UFM1: variants seen among roughly 807,000 people sequenced by gnomAD.
The protein encoded by UFM1 is ubiquitin fold modifier 1, also known as ubiquitin-fold modifier 1.
In UFM1, 9 loss-of-function variants were observed where a neutral mutation model predicts 15.4. That is an observed-to-expected ratio of 0.59 (90% CI 0.35 to 1.02). The LOEUF is 1.02. Among genes scored for constraint, UFM1 ranks in the 50% least tolerant of loss-of-function variants. The pLI is 0.02. For synonymous variants in UFM1, 27 were observed against 36.3 expected (o/e 0.74, Z 0.92); for missense variants, 98 against 104.7 (o/e 0.94, Z 0.28).
intron 2 of UFM1, 41 bp from the exon 3 acceptor site, chr13:38,354,198 T>C: frequency 6.3e-7 from 1 of 1,589,810 alleles, no homozygotes; most frequent in Non-Finnish European, 8.6e-7. Context: ...TTTTAGAAAA[T>C]GGTGACTTTA....
chr13:38,350,271 G>T lies in UFM1; in HGVS notation c.59+216G>T. On this transcript the variant is annotated intron_variant, in intron 2 of 5. Coordinates refer to ENST00000239878, the MANE Select transcript of UFM1 (RefSeq NM_016617.4). Reference sequence around the variant, plus strand: ...AGTGTCAGCTTGGCAGCTTGGCCCCGTCACGAGGGTGTGGGTGTGTTTCTG... The same window carrying T: ...AGTGTCAGCTTGGCAGCTTGGCCCCTTCACGAGGGTGTGGGTGTGTTTCTG... The T allele has an allele frequency of 1.3e-6, 2 of 1,553,216 alleles. 1 individual carries two copies. Among genetic ancestry groups the T allele is most frequent in the Non-Finnish European group, 1.7e-6 (2 of 1,144,528 alleles).
rs1350087735 is a variant in UFM1 at position 38,363,001 on chromosome 13, A to G, written c.*2223A>G. The G allele has an allele frequency of 5.9e-5, 9 of 152,192 alleles. No homozygotes were observed. The highest frequency in any genetic ancestry group is 1.7e-4 in the African/African-American group (7 of 41,452). The allele number at this position is 152,192 out of a possible 1,614,324, so 9.4% of individuals were successfully genotyped here. On this transcript the variant is annotated 3_prime_UTR_variant, in exon 6 of 6. Transcript: ENST00000239878. ...ATGAAAATACATGTTGTTATATTGT[A>G]AACCATATTGTCTGTTCTTATTATT...
rs551986658 is a variant in UFM1 at position 38,363,047 on chromosome 13, CT to C, written c.*2273del. On this transcript the variant is annotated 3_prime_UTR_variant, in exon 6 of 6. Coordinates refer to ENST00000239878, the MANE Select transcript of UFM1 (RefSeq NM_016617.4). ...TTATTAGAGCTCTTAATCAGCACACCTTTTGAGTCAGTATATAATACATGTA... is the reference window on the plus strand; with the variant it reads ...TTATTAGAGCTCTTAATCAGCACACCTTTGAGTCAGTATATAATACATGTA... 3.3e-5 allele frequency: 5 copies of C among 152,188 alleles called. No individual in the cohort carries two copies. The South Asian group carries it at 1.0e-3, about 32-fold the overall frequency. The allele number at this position is 152,188 out of a possible 1,614,324, so 9.4% of individuals were successfully genotyped here.
rs1879293391 is a variant in UFM1 at position 38,359,922 on chromosome 13, T to C, written c.190+589T>C. The stretch of plus-strand genomic sequence containing the variant: ...TTTAAAATGTAATCTCTTAGGCTTA[T>C]AATCTAAAGTTTTAAAATTAGGCAT... On this transcript the variant is annotated intron_variant, in intron 5 of 5. Transcript: ENST00000239878. The C allele has an allele frequency of 1.4e-5, 3 of 214,880 alleles. No homozygotes were observed. The South Asian group carries it at 1.7e-4, about 12-fold the overall frequency. 13.3% of individuals were successfully genotyped at this position (214,880 alleles called of 1,614,324 possible). A position where few individuals can be genotyped will look rare whatever the true frequency, so the allele number is the denominator to read the frequency against.
chr13:38,350,314 G>A (rs2140048445), intron 2 of UFM1: 1 of 1,398,032 alleles, frequency 7.2e-7, no homozygotes, highest in East Asian at 2.5e-5. Flanking sequence ...ACCTCCCCTC[G>A]GAATTCATTT....
chr13:38,353,895 G>C (rs1311676386), intron 2 of UFM1, among the ~76,000 whole-genome samples: 1 of 152,038 alleles, frequency 6.6e-6, no homozygotes, highest in Admixed American at 6.6e-5. Context: ...GAAGACCAAG[G>C]AGAGCTTCAC....
intron 2 of UFM1, among the ~76,000 whole-genome samples, chr13:38,351,906 C>T (rs1174632109): frequency 6.6e-6 from 1 of 151,368 alleles, no homozygotes; most frequent in African/African-American, 2.5e-5. Context: ...AATGTGTGTA[C>T]AAGGGTATCT....
chr13:38,359,482 C>T (rs771128301), intron 5 of UFM1, 149 bp downstream of exon 5: 18 of 742,566 alleles, frequency 2.4e-5, no homozygotes, highest in Non-Finnish European at 3.7e-5. Flanking sequence ...ACCTGTGTGT[C>T]TGAGTAATAA....
intron 2 of UFM1, among the ~76,000 whole-genome samples, chr13:38,353,237 C>G (rs1251197084): frequency 6.6e-6 from 1 of 152,020 alleles, no homozygotes; most frequent in Non-Finnish European, 1.5e-5. Flanking sequence ...GGAGCCTGGG[C>G]ATATACATGA....
At chr13:38,357,268 C>G (rs1246156000) in intron 3 of UFM1, among the ~76,000 whole-genome samples, 1 of 151,926 alleles carries the variant, frequency 6.6e-6, no homozygotes, top group Admixed American at 6.6e-5. Flanking sequence ...CAGAGAGCAT[C>G]TGTTCAGATC....
chr13:38,354,317 A>C, intron 3 of UFM1, 21 bp downstream of exon 3: 1 of 1,603,462 alleles, frequency 6.2e-7, no homozygotes, highest in Non-Finnish European at 8.5e-7. Flanking sequence ...AAGTTGGAAC[A>C]ACCTTTATGG....
chr13:38,357,180 A>C (rs1879140287), intron 3 of UFM1, among the ~76,000 whole-genome samples: 1 of 151,950 alleles, frequency 6.6e-6, no homozygotes. Context: ...TAAATCAGCA[A>C]ATCATTACAG....
Position 38,360,885 on chromosome 13 carries a change from T to G in UFM1, c.*107T>G, listed in dbSNP as rs1879345548. On this transcript the variant is annotated 3_prime_UTR_variant, in exon 6 of 6. Transcript: ENST00000239878. Reference sequence around the variant, plus strand: ...TAACATACTATGAAAACACCAGGAGTCAATGATTAATGAAAGGTGACTCAT... The same window carrying G: ...TAACATACTATGAAAACACCAGGAGGCAATGATTAATGAAAGGTGACTCAT... The G allele has an allele frequency of 1.1e-6, 1 of 870,294 alleles. No homozygotes were observed. The highest frequency in any genetic ancestry group is 1.8e-6 in the Non-Finnish European group (1 of 543,456). The allele number at this position is 870,294 out of a possible 1,614,324, so 53.9% of individuals were successfully genotyped here.
chr13:38,356,071 T>G (rs1314406667), intron 3 of UFM1, among the ~76,000 whole-genome samples: 1 of 151,872 alleles, frequency 6.6e-6, no homozygotes, highest in African/African-American at 2.4e-5. Flanking sequence ...GTAGAAAACC[T>G]GTCAGTACTG....
intron 5 of UFM1, chr13:38,359,537 G>A (rs574077481): frequency 2.2e-6 from 1 of 451,706 alleles, no homozygotes; most frequent in South Asian, 3.7e-5. Flanking sequence ...TTGGCTACAA[G>A]TAACAGAAAA....
In UFM1 at chr13:38,359,244, T is replaced by C. The variant is rs1164853653; in HGVS notation, c.158-57T>C. The C allele has an allele frequency of 1.1e-5, 17 of 1,561,216 alleles. No individual in the cohort carries two copies. In the Admixed American group the frequency reaches 2.9e-4, roughly 27 times the overall value. On this transcript the variant is annotated intron_variant, in intron 4 of 5. Transcript: ENST00000239878. Reference sequence around the variant, plus strand: ...TTTGGCAAATCTCTTTCCTTGCTACTATTTAACCATTTTAGCTTTAGAAAT... The same window carrying C: ...TTTGGCAAATCTCTTTCCTTGCTACCATTTAACCATTTTAGCTTTAGAAAT...
chr13:38,361,931 AAAC>A lies in UFM1; in HGVS notation c.*1156_*1158del, dbSNP rs998127165. On this transcript the variant is annotated 3_prime_UTR_variant, in exon 6 of 6. Coordinates refer to ENST00000239878, the MANE Select transcript of UFM1 (RefSeq NM_016617.4). The stretch of plus-strand genomic sequence containing the variant: ...TTAAGTAGAAGAAGGCAGTTAGAGA[AAAC>A]AAAGTATCTACTGGCCTTGTCAACA... The A allele has an allele frequency of 1.3e-5, 2 of 152,262 alleles. No homozygotes were observed. The highest frequency in any genetic ancestry group is 2.4e-5 in the African/African-American group (1 of 41,462). The allele number at this position is 152,262 out of a possible 1,614,324, so 9.4% of individuals were successfully genotyped here. A position where few individuals can be genotyped will look rare whatever the true frequency, so the allele number is the denominator to read the frequency against.
chr13:38,351,754 G>A (rs1396672596), intron 2 of UFM1, among the ~76,000 whole-genome samples: 3 of 152,146 alleles, frequency 2.0e-5, no homozygotes, highest in Non-Finnish European at 4.4e-5. Context: ...TTAAGAGCCT[G>A]GAACATTGTA....
Position 38,349,882 on chromosome 13 carries a change from G to A in UFM1, c.-38G>A, listed in dbSNP as rs771558760. ...CTAGAGGAAGTCGTGCTACCCCCGCGGAGTTGTCGTGTGTTCTGGATTCAT... is the reference window on the plus strand; with the variant it reads ...CTAGAGGAAGTCGTGCTACCCCCGCAGAGTTGTCGTGTGTTCTGGATTCAT... On this transcript the variant is annotated 5_prime_UTR_variant, in exon 1 of 6. Transcript: ENST00000239878. 6.2e-7 allele frequency: 1 copy of A among 1,614,112 alleles called. No individual in the cohort carries two copies. Among genetic ancestry groups the A allele is most frequent in the Non-Finnish European group, 8.5e-7 (1 of 1,180,030 alleles).
Sources: gnomAD v4.1 joint callset for allele counts (sites outside exome capture counted in the v4.1 genomes callset) on GRCh38, gnomAD v4.1.1 for gene constraint, MANE v1.5 for transcripts, NCBI Gene and HGNC (gene_info 2026-07-23, HGNC 2026-07-21) for gene names.